The following MTOR variants were observed in gnomAD, a reference collection of about 807,000 sequenced individuals.
The protein encoded by MTOR is mechanistic target of rapamycin kinase.
MTOR carries 70 observed loss-of-function variants against 319.8 expected under a neutral mutation model. That is an observed-to-expected ratio of 0.22 (90% CI 0.18 to 0.27). The LOEUF (loss-of-function observed/expected upper bound fraction) is 0.27, where lower values mean the gene tolerates loss of function less well. MTOR is among the 10% of genes least tolerant of loss of function. The probability of loss-of-function intolerance (pLI) is 1.00; values close to 1 mark genes in which losing one functional copy is unlikely to be tolerated. For synonymous variants in MTOR, 1,183 were observed against 1,211.4 expected, an observed-to-expected ratio of 0.98 and a Z score of 0.49; for missense variants, 1,890 against 3,274.4, an observed-to-expected ratio of 0.58 and a Z score of 10.32.
intron 28 of MTOR, among the ~76,000 whole-genome samples, chr1:11,176,914 G>A (rs955698481): frequency 6.6e-6 from 1 of 152,182 alleles, no homozygotes; most frequent in Non-Finnish European, 1.5e-5. Flanking sequence ...ATGGTCTGGG[G>A]AACTCAAGAA....
chr1:11,172,784 A>G (rs4589117), intron 28 of MTOR, among the ~76,000 whole-genome samples: 149,477 of 150,340 alleles, frequency 0.99, 74,318 homozygotes, highest in Middle Eastern at 1. Flanking sequence ...CAGGAGGATC[A>G]CTTGAACCCA....
intron 19 of MTOR, among the ~76,000 whole-genome samples, chr1:11,225,549 G>T (rs990324059): frequency 6.6e-6 from 1 of 151,724 alleles, no homozygotes; most frequent in African/African-American, 2.4e-5. Flanking sequence ...AGCCTCTTGA[G>T]TAGCTGGGAT....
Position 11,128,171 on chromosome 1 carries a change from G to C in MTOR, c.5911-45C>G, listed in dbSNP as rs755425427. 1 of 1,609,366 alleles carries C rather than the reference G, an allele frequency of 6.2e-7. No individual in the cohort carries two copies. Among genetic ancestry groups the C allele is most frequent in the Non-Finnish European group, 8.5e-7 (1 of 1,178,072 alleles). Reference sequence around the variant, plus strand: ...AACATCTATAAAGGAAATGTGGGTTGGGGAAGAGCTGGTATGAATTTTAAG... The same window carrying C: ...AACATCTATAAAGGAAATGTGGGTTCGGGAAGAGCTGGTATGAATTTTAAG... On this transcript the variant is annotated intron_variant, in intron 42 of 57. Coordinates refer to ENST00000361445, the MANE Select transcript of MTOR (RefSeq NM_004958.4). This position sits in a 1 kb window ranked among gnomAD's most constrained non-coding sequence, Gnocchi z 5.3.
chr1:11,117,669 T>C (rs767832881), intron 49 of MTOR, among the ~76,000 whole-genome samples: 12 of 151,878 alleles, frequency 7.9e-5, no homozygotes, highest in South Asian at 2.1e-4. Flanking sequence ...AGAAAAAAAA[T>C]AGATGACGAT....
intron 19 of MTOR, among the ~76,000 whole-genome samples, chr1:11,217,779 T>C (rs761479625): frequency 2.0e-5 from 3 of 151,536 alleles, no homozygotes; most frequent in Non-Finnish European, 2.9e-5. Context: ...ATTTAGAAAA[T>C]GAACATATGT....
chr1:11,254,459 T>G (rs1282296728), intron 5 of MTOR, among the ~76,000 whole-genome samples: 3 of 152,148 alleles, frequency 2.0e-5, no homozygotes, highest in Admixed American at 2.0e-4. Context: ...ATTCTCATAA[T>G]AAGCCTTTGA....
chr1:11,142,161 T>C (rs969202068), intron 34 of MTOR, among the ~76,000 whole-genome samples: 4 of 152,152 alleles, frequency 2.6e-5, no homozygotes, highest in African/African-American at 4.8e-5. Context: ...CCTGAGATTC[T>C]ATCAGCAAAT....
intron 28 of MTOR, among the ~76,000 whole-genome samples, chr1:11,190,775 A>ACC (rs1645497504): frequency 6.6e-6 from 1 of 152,228 alleles, no homozygotes; most frequent in African/African-American, 2.4e-5. Context: ...AGTTGTAAGG[A>ACC]GCATATCCTA....
At chr1:11,249,991 GCGGCCGGGCAGAGGCGCCCC>G (rs1649401965) in intron 6 of MTOR, among the ~76,000 whole-genome samples, 1 of 150,434 alleles carries the variant, frequency 6.6e-6, no homozygotes, top group African/African-American at 2.4e-5. Flanking sequence ...CCCAGCAGGG[GCGGCCGGGCAGAGGCGCCCC>G]TCACCTCCCG....
intron 28 of MTOR, chr1:11,192,479 G>A (rs983129543): frequency 5.0e-5 from 45 of 906,160 alleles, no homozygotes; most frequent in South Asian, 1.2e-4. Flanking sequence ...AATTCGGCTG[G>A]GCGCAGTGGC....
chr1:11,255,607 T>C (rs1040151770), intron 5 of MTOR, among the ~76,000 whole-genome samples: 1 of 152,070 alleles, frequency 6.6e-6, no homozygotes, highest in African/African-American at 2.4e-5. Flanking sequence ...TCCCAGCACT[T>C]TGAGAGGCCA....
rs1230619328 is a variant in MTOR, at chr1:11,194,746, G to A, written c.4253+4512C>T. The A allele has an allele frequency of 6.9e-6, 11 of 1,600,704 alleles. No homozygotes were observed. The East Asian group carries it at 2.2e-4, about 33-fold the overall frequency. On this transcript the variant is annotated intron_variant, in intron 28 of 57. Transcript: ENST00000361445. ...AGAAAGAGTGAATTATAACTGTACA[G>A]TTGATATTCCGGTTTTGGTATTCTT...
At chr1:11,250,694 G>C (rs1649560072) in intron 6 of MTOR, among the ~76,000 whole-genome samples, 1 of 152,096 alleles carries the variant, frequency 6.6e-6, no homozygotes, top group African/African-American at 2.4e-5. Context: ...CCCTTGCCCA[G>C]CTCTCTCCCC....
intron 28 of MTOR, among the ~76,000 whole-genome samples, chr1:11,175,746 G>GTTTTTTTTTTTTTTT (rs34392850): frequency 1.5e-4 from 20 of 137,296 alleles, no homozygotes; most frequent in African/African-American, 4.4e-4. Context: ...TCCCTAGCAG[G>GTTTTTTTTTTTTTTT]TTTTTTTTTT....
At chr1:11,120,175 C>T (rs1642437908) in intron 49 of MTOR, among the ~76,000 whole-genome samples, 1 of 151,958 alleles carries the variant, frequency 6.6e-6, no homozygotes, top group Non-Finnish European at 1.5e-5. Context: ...CTCCTGGATT[C>T]AAATGATCCT....
chr1:11,117,343 T>C (rs994665846), intron 49 of MTOR, among the ~76,000 whole-genome samples: 47 of 152,188 alleles, frequency 3.1e-4, no homozygotes, highest in African/African-American at 1.1e-3. Flanking sequence ...GTAGTTTTAG[T>C]AGAGACGGGG....
At position 11,141,932 on chromosome 1, in the gene MTOR, C is replaced by T. The variant is rs1396889899; in HGVS notation, c.4873-2274G>A. On this transcript the variant is annotated intron_variant, in intron 34 of 57. Transcript: ENST00000361445. The stretch of plus-strand genomic sequence containing the variant: ...AGAAGAATGGCGTGAACTTGGGAGG[C>T]GGAGCTTGCAGTAAGCCGAGATCGT... Among the ~76,000 whole-genome samples the T allele has an allele frequency of 5.9e-5, 9 of 151,398 alleles. No individual in the cohort carries two copies. In the East Asian group the frequency reaches 1.4e-3, roughly 23 times the overall value.
chr1:11,243,243 T>C lies in MTOR; in HGVS notation c.1283A>G (p.Lys428Arg). 6.2e-7 allele frequency: 1 copy of C among 1,614,232 alleles called. No individual in the cohort carries two copies. ...GGCTTGGAAGGCCGCTGTACGTTCC[T>C]TCTCCTTCTTGACACAGCTTAGGAC... Reference protein sequence around the residue: ...NHVLSCVKKEKERTAAFQALG... With the variant: ...NHVLSCVKKERERTAAFQALG... Residue 428 changes from lysine (K) to arginine (R), a missense_variant, in exon 9 of 58, where the codon AAG (lysine) becomes AGG (arginine). By Grantham distance (26) the Lys-to-Arg change is conservative. Coordinates refer to ENST00000361445, the MANE Select transcript of MTOR (RefSeq NM_004958.4).
At chr1:11,192,884 C>G (rs1645602659) in intron 28 of MTOR, among the ~76,000 whole-genome samples, 2 of 152,178 alleles carry the variant, frequency 1.3e-5, no homozygotes, top group South Asian at 4.2e-4. Context: ...CATTATCAGT[C>G]AAACAACAAG....
Sources: allele counts gnomAD v4.1 joint callset (sites outside exome capture counted in the v4.1 genomes callset), GRCh38; gene constraint gnomAD v4.1.1; non-coding constraint Gnocchi (gnomAD v3.1); transcripts MANE v1.5; gene names NCBI Gene and HGNC (gene_info 2026-07-23, HGNC 2026-07-21).